POLN: variants seen among roughly 807,000 people sequenced by gnomAD.
POLN encodes the protein DNA polymerase N.
In POLN, 108 loss-of-function variants were observed where a neutral mutation model predicts 113.5. That is an observed-to-expected ratio of 0.95 (90% CI 0.81 to 1.12). The LOEUF (loss-of-function observed/expected upper bound fraction) is 1.12. Ranked by LOEUF, POLN falls within the 50% of genes most tolerant of loss-of-function variation. POLN has a pLI of 0.00. For synonymous variants in POLN, 386 were observed against 391.5 expected, an observed-to-expected ratio of 0.99 and a Z score of 0.17; for missense variants, 1,097 against 1,077.1, an observed-to-expected ratio of 1.02 and a Z score of -0.26.
intron 23 of POLN, among the ~76,000 whole-genome samples, chr4:2,077,711 G>A (rs986036879): frequency 6.6e-6 from 1 of 152,238 alleles, no homozygotes; most frequent in African/African-American, 2.4e-5. Flanking sequence ...AAATTACATT[G>A]TGAAATTCTG....
intron 19 of POLN, among the ~76,000 whole-genome samples, chr4:2,100,955 A>C (rs1006613550): frequency 6.6e-6 from 1 of 152,250 alleles, no homozygotes; most frequent in African/African-American, 2.4e-5. Flanking sequence ...ATACATATAC[A>C]GAGTAGAACA....
chr4:2,171,801 A>G (rs558231429), intron 11 of POLN, among the ~76,000 whole-genome samples: 3 of 152,022 alleles, frequency 2.0e-5, no homozygotes, highest in Non-Finnish European at 2.9e-5. Flanking sequence ...AAAAATAAAC[A>G]TATTTTGCCT....
rs1045079651 is a variant in POLN at position 2,090,421 on chromosome 4, T to C, written c.2066-4677A>G. 11 of 608,124 alleles carry C rather than the reference T, an allele frequency of 1.8e-5. 1 individual carries two copies. Among genetic ancestry groups the C allele is most frequent in the African/African-American group, 5.6e-5 (3 of 53,874 alleles). The allele number at this position is 608,124 out of a possible 1,614,324, so 37.7% of individuals were successfully genotyped here. On this transcript the variant is annotated intron_variant, in intron 20 of 25. Coordinates refer to ENST00000511885, the MANE Select transcript of POLN (RefSeq NM_181808.4). ...ACTGAGCTGATGGTTCGAAACATAA[T>C]TGAAAGATTCTTTCAGATCTTCATG...
rs1010117686 is a variant in POLN at position 2,193,316 on chromosome 4, C to T, written c.909G>A (p.Arg303=). 14 of 1,563,600 alleles carry T rather than the reference C, an allele frequency of 9.0e-6. No individual in the cohort carries two copies. Among genetic ancestry groups the T allele is most frequent in the Non-Finnish European group, 1.2e-5 (14 of 1,152,446 alleles). The change falls in exon 7 of 26, where the codon CGG becomes CGA. Residue 303 remains arginine (R), a splice_region_variant and synonymous_variant. Coordinates refer to ENST00000511885, the MANE Select transcript of POLN (RefSeq NM_181808.4). ...ATTTCATTGTTTGAAATAGCACGTT[C>T]CTAGAAGATGAAAAGAAATTCACTG... ...QEQEAHQQFA[R]NVLFQTMKCK...
intron 3 of POLN, among the ~76,000 whole-genome samples, chr4:2,226,178 G>C (rs565827391): frequency 1.3e-5 from 2 of 152,274 alleles, no homozygotes; most frequent in East Asian, 3.9e-4. Context: ...CCGATGGGAA[G>C]CAAAGAGGCC....
intron 13 of POLN, among the ~76,000 whole-genome samples, chr4:2,159,944 A>G (rs1026620577): frequency 2.0e-5 from 3 of 152,200 alleles, no homozygotes; most frequent in African/African-American, 7.2e-5. Flanking sequence ...ATGCTGGTAC[A>G]GAGATTTTTG....
intron 6 of POLN, among the ~76,000 whole-genome samples, chr4:2,194,412 C>T (rs1051217732): frequency 6.6e-5 from 10 of 152,114 alleles, no homozygotes; most frequent in Non-Finnish European, 1.3e-4. Context: ...ATTTGTAGGC[C>T]TTTTGCACTT....
At position 2,126,568 on chromosome 4, in the gene POLN, A is replaced by G. The variant is rs1322173485; in HGVS notation, c.1982+1545T>C. Among the ~76,000 whole-genome samples, 1 of 152,132 alleles carries G rather than the reference A, an allele frequency of 6.6e-6. No homozygotes were observed. Among genetic ancestry groups the G allele is most frequent in the Non-Finnish European group, 1.5e-5 (1 of 68,002 alleles). ...ATCGGACCAGAGAGGAGCAGAGACC[A>G]GAGAGGAGCGGAGACCAGAGAGAAG... is the stretch of plus-strand genomic sequence containing the variant. On this transcript the variant is annotated intron_variant, in intron 19 of 25. Coordinates refer to ENST00000511885, the MANE Select transcript of POLN (RefSeq NM_181808.4). This position sits in a 1 kb window ranked among gnomAD's most constrained non-coding sequence, Gnocchi z 4.6.
intron 19 of POLN, among the ~76,000 whole-genome samples, chr4:2,112,338 T>C (rs1463892110): frequency 6.6e-6 from 1 of 152,236 alleles, no homozygotes; most frequent in Non-Finnish European, 1.5e-5. Flanking sequence ...AAGGACTTCA[T>C]GTCTAAAACA....
intron 13 of POLN, among the ~76,000 whole-genome samples, chr4:2,167,829 G>C (rs1004595806): frequency 6.6e-6 from 1 of 152,060 alleles, no homozygotes; most frequent in Non-Finnish European, 1.5e-5. Flanking sequence ...AACCTGGAAG[G>C]GGGAGGTTGC....
At position 2,173,955 on chromosome 4, in the gene POLN, C is replaced by G; in HGVS notation, c.1374G>C (p.Gly458=). ...EEMEKTSALL[G]ARLKELEQEA... is the part of the protein sequence containing the mutation. ...CAAACCATCTGGAATAATAACTTAC[C>G]CCAAGAAGTGCTGACGTCTTCTCCA... The change falls in exon 11 of 26, where the codon GGG becomes GGC. Residue 458 remains glycine (G), a splice_region_variant and synonymous_variant. Transcript: ENST00000511885. The G allele has an allele frequency of 6.2e-7, 1 of 1,613,904 alleles. No individual in the cohort carries two copies. The highest frequency in any genetic ancestry group is 8.5e-7 in the Non-Finnish European group (1 of 1,179,794).
At chr4:2,227,222 C>T (rs1734420822) in intron 3 of POLN, among the ~76,000 whole-genome samples, 1 of 152,224 alleles carries the variant, frequency 6.6e-6, no homozygotes, top group African/African-American at 2.4e-5. Flanking sequence ...CATAGAGGAT[C>T]ACATGACAGG....
chr4:2,154,059 G>T (rs910838379), intron 16 of POLN, among the ~76,000 whole-genome samples: 1 of 151,010 alleles, frequency 6.6e-6, no homozygotes. Context: ...TTAGCCGGGC[G>T]TGGTGGCGGG....
chr4:2,226,508 A>G (rs543102251), intron 3 of POLN, among the ~76,000 whole-genome samples: 69 of 152,362 alleles, frequency 4.5e-4, no homozygotes, highest in Non-Finnish European at 8.2e-4. Flanking sequence ...TGGCAATGTA[A>G]GTGGTAGTTA....
At chr4:2,106,462 TA>T (rs1334781249) in intron 19 of POLN, among the ~76,000 whole-genome samples, 2 of 152,194 alleles carry the variant, frequency 1.3e-5, no homozygotes, top group African/African-American at 2.4e-5. Flanking sequence ...TCTTACTTGA[TA>T]TTTTTTTTGC....
At chr4:2,079,703 G>T in intron 23 of POLN, 1 of 816,456 alleles carries the variant, frequency 1.2e-6, no homozygotes, top group South Asian at 5.6e-5. Flanking sequence ...TCCTGCCTCA[G>T]CCTCCTGAGT....
intron 3 of POLN, among the ~76,000 whole-genome samples, chr4:2,218,180 C>T (rs900531997): frequency 6.6e-6 from 1 of 151,538 alleles, no homozygotes; most frequent in African/African-American, 2.4e-5. Flanking sequence ...GCCTGTAATC[C>T]CAGCACTTTG....
At chr4:2,221,911 G>A (rs977194144) in intron 3 of POLN, among the ~76,000 whole-genome samples, 9 of 152,180 alleles carry the variant, frequency 5.9e-5, no homozygotes, top group African/African-American at 2.2e-4. Flanking sequence ...CCCCCTCTTC[G>A]AGTTGTCCCG....
intron 24 of POLN, 65 bp from the exon 25 acceptor site, chr4:2,073,094 T>C: frequency 6.5e-7 from 1 of 1,540,454 alleles, no homozygotes; most frequent in Non-Finnish European, 8.9e-7. Context: ...GAGCCGAAGA[T>C]AAGAGAACTT....
Sources: gnomAD v4.1 joint callset for allele counts (sites outside exome capture counted in the v4.1 genomes callset) on GRCh38, gnomAD v4.1.1 for gene constraint, Gnocchi (gnomAD v3.1) non-coding constraint, MANE v1.5 for transcripts, NCBI Gene and HGNC (gene_info 2026-07-23, HGNC 2026-07-21) for gene names.